Variants in CNTLN observed in about 807,000 individuals in gnomAD.
CNTLN encodes centlein.
In CNTLN, 212 loss-of-function variants were observed where a neutral mutation model predicts 180.0. The ratio of observed to expected loss-of-function variants is 1.18; its 90% CI spans 1.05 to 1.32. The LOEUF is 1.32. Ranked by LOEUF, CNTLN falls within the 40% of genes most tolerant of loss-of-function variation. CNTLN has a pLI of 0.00. For synonymous variants in CNTLN, 722 were observed against 563.1 expected, an observed-to-expected ratio of 1.28 and a Z score of -3.99; for missense variants, 2,095 against 1,610.9, an observed-to-expected ratio of 1.30 and a Z score of -5.14.
chr9:17,288,452 T>C (rs966022042), intron 6 of CNTLN, among the ~76,000 whole-genome samples: 2 of 142,132 alleles, frequency 1.4e-5, no homozygotes, highest in Non-Finnish European at 3.0e-5. Flanking sequence ...TTGGAATAGG[T>C]GTGGTGTGGT....
intron 7 of CNTLN, among the ~76,000 whole-genome samples, chr9:17,305,666 A>T (rs1818656899): frequency 6.6e-6 from 1 of 152,114 alleles, no homozygotes; most frequent in Admixed American, 6.6e-5. Flanking sequence ...TCTTGTCACC[A>T]AAAAACACTT....
intron 2 of CNTLN, among the ~76,000 whole-genome samples, chr9:17,173,236 T>G (rs1171090494): frequency 6.6e-6 from 1 of 152,182 alleles, no homozygotes; most frequent in East Asian, 1.9e-4. Flanking sequence ...GTAAAATATC[T>G]CATTGGAAAT....
Position 17,287,343 on chromosome 9 carries a change from C to T in CNTLN, c.984-10847C>T, listed in dbSNP as rs1405566257. Among the ~76,000 whole-genome samples, 21 of 147,596 alleles carry T rather than the reference C, an allele frequency of 1.4e-4. 1 individual carries two copies. The East Asian group carries it at 4.3e-3, about 30-fold the overall frequency. ...TGCGTATATTGAACCAGCCTTGCAT[C>T]CCAGGGATGAAGCCCACTTGATCAT... On this transcript the variant is annotated intron_variant, in intron 6 of 25. Transcript: ENST00000380647.
At chr9:17,281,700 G>C (rs918879274) in intron 6 of CNTLN, among the ~76,000 whole-genome samples, 40 of 152,028 alleles carry the variant, frequency 2.6e-4, no homozygotes, top group African/African-American at 9.4e-4. Flanking sequence ...TGGGCATTTG[G>C]GTTGATTCAA....
At chr9:17,386,169 TA>T (rs904729855) in intron 13 of CNTLN, among the ~76,000 whole-genome samples, 25 of 151,052 alleles carry the variant, frequency 1.7e-4, no homozygotes, top group African/African-American at 4.6e-4. Context: ...TTAAATTAAT[TA>T]AAAAAAAGAA....
chr9:17,170,348 C>T (rs935765419), intron 2 of CNTLN, among the ~76,000 whole-genome samples: 6 of 151,072 alleles, frequency 4.0e-5, no homozygotes, highest in Non-Finnish European at 8.9e-5. Flanking sequence ...GGCAGTTTTA[C>T]TTCTTCCTTT....
intron 15 of CNTLN, among the ~76,000 whole-genome samples, chr9:17,407,353 A>T (rs1587911492): frequency 6.6e-6 from 1 of 152,358 alleles, no homozygotes; most frequent in South Asian, 2.1e-4. Context: ...CTTCAAGGGA[A>T]ATTCTTATCA....
chr9:17,365,623 C>T (rs1456825083), intron 12 of CNTLN, among the ~76,000 whole-genome samples: 1 of 152,156 alleles, frequency 6.6e-6, no homozygotes, highest in Non-Finnish European at 1.5e-5. Flanking sequence ...TATGTATTAA[C>T]ATTTTTCATT....
intron 3 of CNTLN, among the ~76,000 whole-genome samples, chr9:17,230,111 G>A (rs554230115): frequency 4.1e-4 from 63 of 152,182 alleles, no homozygotes; most frequent in Non-Finnish European, 8.8e-4. Flanking sequence ...CAATGGAAGT[G>A]ACACACAGAA....
intron 12 of CNTLN, among the ~76,000 whole-genome samples, chr9:17,353,944 G>C (rs149493980): frequency 6.6e-6 from 1 of 152,182 alleles, no homozygotes; most frequent in African/African-American, 2.4e-5. Context: ...AGGGAGAGGC[G>C]TGAGCGGGAA....
intron 13 of CNTLN, among the ~76,000 whole-genome samples, chr9:17,383,069 C>CT (rs1228102325): frequency 6.6e-6 from 1 of 151,832 alleles, no homozygotes; most frequent in African/African-American, 2.4e-5. Context: ...TATCTAAAGC[C>CT]TTTTTCTGTT....
Position 17,394,987 on chromosome 9 carries a change from GT to G in CNTLN, c.2535del (p.Leu846SerfsTer8). ...TTGCTCTGTGGGTCGTCACCACACT[GT>G]TCTCAATCATTCCATCAAGGTTATG... Reference protein sequence around the residue: ...KNCSVGRHHTVLNHSIKVMSN... With the variant: ...KNCSVGRHHTXLNHSIKVMSN... On this transcript the variant is annotated frameshift_variant, in exon 15 of 26. Coordinates refer to ENST00000380647, the MANE Select transcript of CNTLN (RefSeq NM_017738.4). LOFTEE classifies it high-confidence loss of function. 2 of 1,613,732 alleles carry G rather than the reference GT, an allele frequency of 1.2e-6. No individual in the cohort carries two copies. The highest frequency in any genetic ancestry group is 1.7e-6 in the Non-Finnish European group (2 of 1,179,730).
chr9:17,329,830 A>G (rs147147667), intron 8 of CNTLN, among the ~76,000 whole-genome samples: 3 of 151,488 alleles, frequency 2.0e-5, no homozygotes, highest in Non-Finnish European at 4.4e-5. Flanking sequence ...CTTATTGATA[A>G]TGTTAGAATC....
intron 2 of CNTLN, among the ~76,000 whole-genome samples, chr9:17,210,846 A>G (rs1018310486): frequency 6.6e-6 from 1 of 152,126 alleles, no homozygotes; most frequent in Non-Finnish European, 1.5e-5. Flanking sequence ...GGCTGCATAA[A>G]TGTCTTCTTT....
intron 2 of CNTLN, among the ~76,000 whole-genome samples, chr9:17,179,504 T>C (rs1051049699): frequency 6.6e-6 from 1 of 152,218 alleles, no homozygotes; most frequent in African/African-American, 2.4e-5. Flanking sequence ...TTGCCAGATT[T>C]TTAGTTTGAT....
At chr9:17,490,024 A>G (rs116212037) in intron 25 of CNTLN, among the ~76,000 whole-genome samples, 200 of 152,336 alleles carry the variant, frequency 1.3e-3, no homozygotes, top group African/African-American at 4.7e-3. Flanking sequence ...AAGCAAATTG[A>G]TAATTAAAGC....
At chr9:17,253,424 C>T (rs1342890937) in intron 5 of CNTLN, among the ~76,000 whole-genome samples, 1 of 151,076 alleles carries the variant, frequency 6.6e-6, no homozygotes, top group African/African-American at 2.4e-5. Context: ...TGTTTGTGTC[C>T]TCTTCAATTT....
intron 2 of CNTLN, among the ~76,000 whole-genome samples, chr9:17,205,802 G>A (rs1387845699): frequency 6.6e-6 from 1 of 152,172 alleles, no homozygotes; most frequent in Non-Finnish European, 1.5e-5. Context: ...CATTATCACT[G>A]TTTTCCATGT....
chr9:17,159,651 C>T (rs571779513), intron 2 of CNTLN, among the ~76,000 whole-genome samples: 4 of 152,246 alleles, frequency 2.6e-5, no homozygotes, highest in East Asian at 1.9e-4. Flanking sequence ...CTGTTCTTCC[C>T]GGGAAGAAAA....
Sources: gnomAD v4.1 joint callset for allele counts (sites outside exome capture counted in the v4.1 genomes callset) on GRCh38, gnomAD v4.1.1 for gene constraint, MANE v1.5 for transcripts, NCBI Gene and HGNC (gene_info 2026-07-23, HGNC 2026-07-21) for gene names.